Variants in LAMA2 observed in about 807,000 individuals in gnomAD.
LAMA2 encodes the protein laminin subunit alpha 2.
Under a neutral mutation model 364.8 loss-of-function variants are expected in LAMA2, and 269 were observed. The observed-to-expected ratio is 0.74, with a 90% confidence interval of 0.67 to 0.82. The LOEUF is 0.82. Ranked by LOEUF, LAMA2 falls within the 40% of genes least tolerant of loss-of-function variation. The pLI is 0.00. For missense variants in LAMA2, 3,807 were observed against 3,873.2 expected (o/e 0.98, Z 0.45); for synonymous variants, 1,379 against 1,370.6 (o/e 1.01, Z -0.14).
intron 2 of LAMA2, among the ~76,000 whole-genome samples, chr6:129,052,543 C>T (rs1202727919): frequency 6.6e-6 from 1 of 151,994 alleles, no homozygotes; most frequent in Non-Finnish European, 1.5e-5. Context: ...ATATTTCCCC[C>T]GCCCCAACAC....
intron 35 of LAMA2, among the ~76,000 whole-genome samples, chr6:129,387,955 G>T (rs2114664795): frequency 6.6e-6 from 1 of 152,152 alleles, no homozygotes; most frequent in East Asian, 1.9e-4. Flanking sequence ...ATGCATGAGG[G>T]GCTTTAAAAC....
At position 128,968,017 on chromosome 6, in the gene LAMA2, C is replaced by T. The variant is rs565317539; in HGVS notation, c.113-81901C>T. Among the ~76,000 whole-genome samples the T allele has an allele frequency of 8.5e-5, 13 of 152,256 alleles. No individual in the cohort carries two copies. In the South Asian group the frequency reaches 2.5e-3, roughly 29 times the overall value. ...GCCAATTTTGCTCTCTAAAAATTTG[C>T]ATTAAACAGACCAATCACTAGATTC... is the stretch of plus-strand genomic sequence containing the variant. On this transcript the variant is annotated intron_variant, in intron 1 of 64. Coordinates refer to ENST00000421865, the MANE Select transcript of LAMA2 (RefSeq NM_000426.4).
chr6:129,098,335 G>T lies in LAMA2; in HGVS notation c.559G>T (p.Gly187Trp). 1 of 1,613,928 alleles carries T rather than the reference G, an allele frequency of 6.2e-7. No homozygotes were observed. The change falls in exon 4 of 65, where the codon GGG (glycine) becomes TGG (tryptophan). Residue 187 changes from glycine (G) to tryptophan (W), a missense_variant. Gly to Trp is a radical substitution (Grantham distance 184). Transcript: ENST00000421865. ...GCTTTACAATATTTATCCCCGCACT[G>T]GGCCACCGTCATATGCCAAAGATGA... ...LTLYNIYPRTGPPSYAKDDEV... is the reference protein window; with the variant it reads ...LTLYNIYPRTWPPSYAKDDEV...
intron 4 of LAMA2, among the ~76,000 whole-genome samples, chr6:129,102,378 G>A (rs536171486): frequency 2.2e-4 from 33 of 151,920 alleles, no homozygotes; most frequent in Non-Finnish European, 3.7e-4. Context: ...CTCATGATCT[G>A]CCCACCTTGG....
chr6:129,304,042 A>G (rs1773711855), intron 22 of LAMA2, among the ~76,000 whole-genome samples: 1 of 152,144 alleles, frequency 6.6e-6, no homozygotes, highest in Non-Finnish European at 1.5e-5. Flanking sequence ...TAAAGTTGGT[A>G]ATATTCTAGA....
chr6:129,142,363 G>A (rs1422399343), intron 4 of LAMA2, among the ~76,000 whole-genome samples: 1 of 151,922 alleles, frequency 6.6e-6, no homozygotes, highest in Non-Finnish European at 1.5e-5. Flanking sequence ...CTGACTTCTT[G>A]TAGCCTCACA....
chr6:128,942,204 C>T (rs1275052162), intron 1 of LAMA2, among the ~76,000 whole-genome samples: 1 of 151,872 alleles, frequency 6.6e-6, no homozygotes, highest in African/African-American at 2.4e-5. Context: ...TTTCCATCAT[C>T]CTGTCTATTA....
chr6:129,499,254 G>A (rs1785435016), intron 58 of LAMA2, among the ~76,000 whole-genome samples: 1 of 152,114 alleles, frequency 6.6e-6, no homozygotes, highest in African/African-American at 2.4e-5. Context: ...AGCCTCTACT[G>A]AGACTGTGAA....
At chr6:129,248,933 C>A (rs904035663) in intron 12 of LAMA2, among the ~76,000 whole-genome samples, 2 of 152,108 alleles carry the variant, frequency 1.3e-5, no homozygotes, top group African/African-American at 4.8e-5. Context: ...AAAAGACATT[C>A]GAATAAGGCC....
At chr6:128,940,940 G>C (rs1359206191) in intron 1 of LAMA2, among the ~76,000 whole-genome samples, 3 of 152,158 alleles carry the variant, frequency 2.0e-5, no homozygotes, top group African/African-American at 2.4e-5. Context: ...GACAGAGCAA[G>C]AGCCTGTCCC....
chr6:129,388,407 A>G (rs1779144132), intron 35 of LAMA2, among the ~76,000 whole-genome samples: 1 of 152,120 alleles, frequency 6.6e-6, no homozygotes, highest in Non-Finnish European at 1.5e-5. Flanking sequence ...CACCTTAATG[A>G]TTGCTTCTTG....
At chr6:129,121,135 A>G (rs1176531949) in intron 4 of LAMA2, among the ~76,000 whole-genome samples, 1 of 152,166 alleles carries the variant, frequency 6.6e-6, no homozygotes, top group Non-Finnish European at 1.5e-5. Context: ...CTCCTTCTCC[A>G]TTGTCCCGCA....
chr6:129,450,977 A>G (rs1347992949), intron 45 of LAMA2, among the ~76,000 whole-genome samples: 2 of 152,154 alleles, frequency 1.3e-5, no homozygotes, highest in African/African-American at 2.4e-5. Flanking sequence ...AAAAATCACT[A>G]TATCTGACAC....
intron 21 of LAMA2, 33 bp from the exon 22 acceptor site, chr6:129,300,703 C>T (rs776414734): frequency 1.2e-6 from 2 of 1,611,334 alleles, no homozygotes; most frequent in African/African-American, 2.7e-5. Flanking sequence ...ACTATTTTTC[C>T]CCTTCTTTGT....
At chr6:129,475,517 A>ATGTT in intron 53 of LAMA2, 116 bp downstream of exon 53, 1 of 714,856 alleles carries the variant, frequency 1.4e-6, no homozygotes. Context: ...TGTTCATAGT[A>ATGTT]TGTTTCACGA....
At chr6:129,223,045 T>C (rs1783979572) in intron 12 of LAMA2, among the ~76,000 whole-genome samples, 2 of 152,212 alleles carry the variant, frequency 1.3e-5, no homozygotes, top group African/African-American at 2.4e-5. Context: ...CTAACTGGTG[T>C]AGGATGGTAT....
intron 1 of LAMA2, among the ~76,000 whole-genome samples, chr6:129,047,618 G>T (rs574612138): frequency 5.5e-4 from 84 of 152,158 alleles, no homozygotes; most frequent in Non-Finnish European, 1.0e-3. Flanking sequence ...CTCTTTGGGA[G>T]ATCTTAAGAA....
At chr6:129,031,737 C>A (rs942970644) in intron 1 of LAMA2, among the ~76,000 whole-genome samples, 6 of 152,066 alleles carry the variant, frequency 3.9e-5, no homozygotes, top group African/African-American at 1.4e-4. Context: ...GTGTTTTAGT[C>A]TTTTTATTTT....
chr6:128,982,919 T>C (rs1346295785), intron 1 of LAMA2, among the ~76,000 whole-genome samples: 3 of 143,754 alleles, frequency 2.1e-5, no homozygotes, highest in Non-Finnish European at 4.6e-5. Flanking sequence ...GTATCGTCCA[T>C]GTCCCTACAA....
Sources: gnomAD v4.1 joint callset for allele counts (sites outside exome capture counted in the v4.1 genomes callset) on GRCh38, gnomAD v4.1.1 for gene constraint, MANE v1.5 for transcripts, NCBI Gene and HGNC (gene_info 2026-07-23, HGNC 2026-07-21) for gene names.